Variants in TSEN54 observed in about 807,000 individuals in gnomAD.
The protein encoded by TSEN54 is tRNA-splicing endonuclease subunit Sen54.
Under a neutral mutation model 61.9 loss-of-function variants are expected in TSEN54, and 55 were observed. The ratio of observed to expected loss-of-function variants is 0.89; its 90% confidence interval spans 0.72 to 1.11. The LOEUF (loss-of-function observed/expected upper bound fraction) is 1.11, where lower values mean the gene tolerates loss of function less well. TSEN54 is among the 50% of genes most tolerant of loss of function. The pLI is 0.00. For synonymous variants in TSEN54, 304 were observed against 288.7 expected, an observed-to-expected ratio of 1.05 and a Z score of -0.54; for missense variants, 760 against 687.7, an observed-to-expected ratio of 1.11 and a Z score of -1.18.
At position 75,517,703 on chromosome 17, in the gene TSEN54, A is replaced by T; in HGVS notation, c.468+48A>T. ...CGGGAGCCACCCATCCACTGAATCA[A>T]TGAGTATTGACAAGTACCCATAAGG... On this transcript the variant is annotated intron_variant, in intron 5 of 10. Coordinates refer to ENST00000333213, the MANE Select transcript of TSEN54 (RefSeq NM_207346.3). 2.7e-6 allele frequency: 4 copies of T among 1,493,982 alleles called. No individual in the cohort carries two copies. The South Asian group carries it at 4.5e-5, about 17-fold the overall frequency. The allele number at this position is 1,493,982 out of a possible 1,614,324, so 92.5% of individuals were successfully genotyped here.
chr17:75,522,493 C>T (rs1291406309), intron 8 of TSEN54, 160 bp downstream of exon 8: 3 of 1,491,038 alleles, frequency 2.0e-6, no homozygotes, highest in Non-Finnish European at 2.7e-6. Context: ...GCGGCTGCAG[C>T]AGGGCCTGTG....
intron 8 of TSEN54, chr17:75,522,823 A>G: frequency 3.8e-6 from 1 of 261,858 alleles, no homozygotes; most frequent in Admixed American, 5.2e-5. Context: ...TTTGACTTTC[A>G]GTATAATTTT....
chr17:75,517,074 T>A lies in TSEN54; in HGVS notation c.285+2T>A. On this transcript the variant is annotated splice_donor_variant, in intron 3 of 10. Transcript: ENST00000333213. LOFTEE classifies it high-confidence loss of function. The stretch of plus-strand genomic sequence containing the variant: ...TTCGTGGAGTTGAAGTCTCCCGCGG[T>A]GAGCGGCGGGCTCGGGGACCGGGGA... The A allele has an allele frequency of 6.3e-7, 1 of 1,594,814 alleles. No homozygotes were observed. The highest frequency in any genetic ancestry group is 1.1e-5 in the South Asian group (1 of 88,188).
chr17:75,520,713 T>C (rs1333335130), intron 6 of TSEN54, among the ~76,000 whole-genome samples: 2 of 152,022 alleles, frequency 1.3e-5, no homozygotes, highest in African/African-American at 2.4e-5. Flanking sequence ...CCCAGCACTT[T>C]AGGAGGCCGA....
At chr17:75,518,803 G>A (rs1345348264) in intron 5 of TSEN54, 192 bp from the exon 6 acceptor site, 1 of 985,284 alleles carries the variant, frequency 1.0e-6, no homozygotes, top group Non-Finnish European at 1.2e-6. Flanking sequence ...TGGGAGGACA[G>A]GAATTCAGAG....
Position 75,516,578 on chromosome 17 carries a change from G to GCCCGCGGCCGTGGAGGTT in TSEN54, c.26_43dup (p.Ala9_Ala14dup). 8.7e-7 allele frequency: 1 copy of GCCCGCGGCCGTGGAGGTT among 1,154,956 alleles called. No individual in the cohort carries two copies. 71.5% of individuals were successfully genotyped at this position (1,154,956 alleles called of 1,614,324 possible). A position where few individuals can be genotyped will look rare whatever the true frequency, so the allele number is the denominator to read the frequency against. On this transcript the variant is annotated inframe_insertion, in exon 1 of 11. Coordinates refer to ENST00000333213, the MANE Select transcript of TSEN54 (RefSeq NM_207346.3). ...GCGGCGGGATGGAGCCCGAGCCCGA[G>GCCCGCGGCCGTGGAGGTT]CCCGCGGCCGTGGAGGTTCCCGCGG...
At position 75,522,024 on chromosome 17, in the gene TSEN54, C is replaced by G. The variant is rs1417206711; in HGVS notation, c.943C>G (p.Leu315Val). The G allele has an allele frequency of 5.0e-6, 8 of 1,595,396 alleles. No homozygotes were observed. The highest frequency in any genetic ancestry group is 4.3e-6 in the Non-Finnish European group (5 of 1,171,870). Reference protein sequence around the residue: ...NMASDSRHTLLRAPAPELLPA... With the variant: ...NMASDSRHTLVRAPAPELLPA... ...GGCTTCAGACAGCCGCCACACCCTTCTGCGCGCCCCAGCCCCAGAGCTGCT... is the reference window on the plus strand; with the variant it reads ...GGCTTCAGACAGCCGCCACACCCTTGTGCGCGCCCCAGCCCCAGAGCTGCT... The change falls in exon 8 of 11, where the codon CTG (leucine) becomes GTG (valine). Residue 315 changes from leucine to valine, a missense_variant. Transcript: ENST00000333213.
At chr17:75,522,735 G>A (rs368545599) in intron 8 of TSEN54, 18 of 329,758 alleles carry the variant, frequency 5.5e-5, no homozygotes, top group East Asian at 4.7e-4. Flanking sequence ...ATGTGTTAAC[G>A]GATTCCAAAT....
Position 75,524,538 on chromosome 17 carries a change from G to A in TSEN54, c.*126G>A. The stretch of plus-strand genomic sequence containing the variant: ...AGCTTCAGAGGCCAGTCTGGGCCTT[G>A]GCCCTGGGTGTCTGATACTCACAGA... On this transcript the variant is annotated 3_prime_UTR_variant, in exon 11 of 11. Coordinates refer to ENST00000333213, the MANE Select transcript of TSEN54 (RefSeq NM_207346.3). 8.3e-7 allele frequency: 1 copy of A among 1,208,736 alleles called. No homozygotes were observed. Among genetic ancestry groups the A allele is most frequent in the Non-Finnish European group, 1.2e-6 (1 of 827,238 alleles). 74.9% of individuals were successfully genotyped at this position (1,208,736 alleles called of 1,614,324 possible).
chr17:75,519,792 C>T (rs956589844), intron 6 of TSEN54, among the ~76,000 whole-genome samples: 2 of 152,084 alleles, frequency 1.3e-5, no homozygotes, highest in South Asian at 2.1e-4. Context: ...AGGCTGGTCT[C>T]GAACTCCTGA....
In TSEN54 at chr17:75,516,737, C is replaced by T. The variant is rs1316026923; in HGVS notation, c.57-9C>T. 4.5e-6 allele frequency: 7 copies of T among 1,547,950 alleles called. No individual in the cohort carries two copies. The highest frequency in any genetic ancestry group is 1.8e-4 in the Middle Eastern group (1 of 5,442). ...CGCGGCGCTGACCCCGCGTCCCCTT[C>T]TCCCCCAGCGCCCGGGAGCTCTTCG... On this transcript the variant is annotated splice_polypyrimidine_tract_variant and intron_variant, in intron 1 of 10. Transcript: ENST00000333213.
At position 75,521,815 on chromosome 17, in the gene TSEN54, C is replaced by G. The variant is rs1276301439; in HGVS notation, c.734C>G (p.Pro245Arg). The G allele has an allele frequency of 1.2e-6, 2 of 1,613,066 alleles. No homozygotes were observed. The highest frequency in any genetic ancestry group is 1.3e-5 in the African/African-American group (1 of 75,034). Residue 245 changes from proline (P) to arginine (R), a missense_variant, in exon 8 of 11, where the codon CCC becomes CGC. Coordinates refer to ENST00000333213, the MANE Select transcript of TSEN54 (RefSeq NM_207346.3). ...CCCAGCCAATGCCCAGAGGAGAAACCCCAGGAGTCAAGCCCCATGAAGGGC... is the reference window on the plus strand; with the variant it reads ...CCCAGCCAATGCCCAGAGGAGAAACGCCAGGAGTCAAGCCCCATGAAGGGC... ...SQPSQCPEEK[P>R]QESSPMKGPG...
intron 5 of TSEN54, chr17:75,518,681 A>G (rs2147009168): frequency 1.0e-6 from 1 of 985,366 alleles, no homozygotes; most frequent in Admixed American, 6.1e-5. Context: ...CTTCACTCCT[A>G]TGAGCTTTGT....
At position 75,522,072 on chromosome 17, in the gene TSEN54, G is replaced by A. The variant is rs773368581; in HGVS notation, c.991G>A (p.Glu331Lys). The change falls in exon 8 of 11, where the codon GAG becomes AAG. Residue 331 changes from glutamate to lysine, a missense_variant. This residue lies in a region of TSEN54 where 667 missense variants were observed against 577.8 expected (regional missense o/e 1.15). Transcript: ENST00000333213. ...ELLPANVAGR[E>K]TDAESWCQKL... ...GCTCCCGGCCAACGTGGCTGGGCGG[G>A]AGACAGACGCTGAGTCCTGGTGCCA... The A allele has an allele frequency of 1.8e-4, 292 of 1,587,008 alleles. No individual in the cohort carries two copies. The highest frequency in any genetic ancestry group is 2.4e-4 in the Non-Finnish European group (281 of 1,167,298).
rs11870627 is a variant in TSEN54, at chr17:75,524,404, G to A, written c.1573G>A (p.Gly525Arg). The A allele has an allele frequency of 6.2e-7, 1 of 1,613,936 alleles. No homozygotes were observed. The highest frequency in any genetic ancestry group is 1.7e-5 in the Admixed American group (1 of 59,998). ...FRDFTLPQDV[G>R]H ...GGACTTCACGTTGCCCCAGGATGTG[G>A]GGCACTGACCTCACAGCTCTGCAGA... The change falls in exon 11 of 11, where the codon GGG (glycine) becomes AGG (arginine). Residue 525 changes from glycine (G) to arginine (R), a missense_variant. By Grantham distance (125) the Gly-to-Arg change is moderately radical (BLOSUM62 -2). Around this residue, in one of 3 missense-constraint regions of TSEN54, gnomAD observed 83 missense variants for 82.9 expected, o/e 1.00. Transcript: ENST00000333213.
chr17:75,523,924 GC>G, intron 10 of TSEN54, 145 bp downstream of exon 10: 1 of 939,600 alleles, frequency 1.1e-6, no homozygotes, highest in Non-Finnish European at 1.7e-6. Context: ...CCTACACAAG[GC>G]CACACAGCCA....
chr17:75,517,423 A>T (rs2053384352), intron 4 of TSEN54, 134 bp from the exon 5 acceptor site: 1 of 1,152,146 alleles, frequency 8.7e-7, no homozygotes, highest in East Asian at 2.3e-5. Flanking sequence ...ATGCTGCCCC[A>T]CTTTCCTGGT....
chr17:75,517,098 G>A (rs1406034353), intron 3 of TSEN54, 26 bp downstream of exon 3: 4 of 1,576,652 alleles, frequency 2.5e-6, no homozygotes, highest in Non-Finnish European at 3.4e-6. Flanking sequence ...GGGGACCGGG[G>A]ACCGCCCTCC....
chr17:75,517,150 GC>G lies in TSEN54; in HGVS notation c.286-7del. 6.3e-7 allele frequency: 1 copy of G among 1,590,004 alleles called. No homozygotes were observed. The highest frequency in any genetic ancestry group is 8.6e-7 in the Non-Finnish European group (1 of 1,167,872). On this transcript the variant is annotated splice_polypyrimidine_tract_variant and intron_variant, in intron 3 of 10. Transcript: ENST00000333213. ...CCCTCCCTTGTGACACTTGCTCTGG[GC>G]CCCACACAGGGCAAATTCTGGCAGA... is the stretch of plus-strand genomic sequence containing the variant.
Sources: gnomAD v4.1 joint callset for allele counts (sites outside exome capture counted in the v4.1 genomes callset) on GRCh38, gnomAD v4.1.1 for gene constraint, gnomAD v4.1.1 regional missense constraint, MANE v1.5 for transcripts, NCBI Gene and HGNC (gene_info 2026-07-23, HGNC 2026-07-21) for gene names.